PELI3: variants seen among roughly 807,000 people sequenced by gnomAD.
PELI3 encodes the protein E3 ubiquitin-protein ligase pellino homolog 3.
PELI3 carries 19 observed loss-of-function variants against 35.5 expected under a neutral mutation model. The observed-to-expected ratio is 0.54, with a 90% CI of 0.37 to 0.79. The LOEUF (loss-of-function observed/expected upper bound fraction) is 0.79. Among genes scored for constraint, PELI3 ranks in the 30% least tolerant of loss-of-function variants. The pLI, the probability that PELI3 is intolerant of heterozygous loss-of-function variation, is 0.00. For missense variants in PELI3, 490 were observed against 661.2 expected (o/e 0.74, Z 2.84); for synonymous variants, 262 against 279.2 (o/e 0.94, Z 0.62).
chr11:66,472,335 A>T (rs1290659901), intron 4 of PELI3, 34 bp from the exon 5 acceptor site: 2 of 1,552,070 alleles, frequency 1.3e-6, no homozygotes, highest in Non-Finnish European at 1.8e-6. Context: ...TCATGGCTGC[A>T]CACCCTGGCA....
At position 66,475,937 on chromosome 11, in the gene PELI3, G is replaced by T; in HGVS notation, c.1180G>T (p.Val394Leu). 6.2e-7 allele frequency: 1 copy of T among 1,611,970 alleles called. No individual in the cohort carries two copies. The highest frequency in any genetic ancestry group is 8.5e-7 in the Non-Finnish European group (1 of 1,179,470). ...TCTCTGCCGCCTTGTGGGGCCTTAT[G>T]TGCCTCTATGGCTTGGCCAGGAGGC... ...CPLCRLVGPY[V>L]PLWLGQEAGL... Residue 394 changes from valine (V) to leucine (L), a missense_variant, in exon 8 of 8, where the codon GTG becomes TTG. Coordinates refer to ENST00000320740, the MANE Select transcript of PELI3 (RefSeq NM_145065.3).
chr11:66,474,267 C>T, intron 7 of PELI3: 1 of 595,644 alleles, frequency 1.7e-6, no homozygotes, highest in Non-Finnish European at 3.0e-6. Flanking sequence ...GACACTTGGC[C>T]CATGTGTGAG....
intron 4 of PELI3, 42 bp from the exon 5 acceptor site, chr11:66,472,327 A>AT (rs1377023537): frequency 1.3e-6 from 2 of 1,517,714 alleles, no homozygotes; most frequent in Non-Finnish European, 1.8e-6. Flanking sequence ...TACACTTATC[A>AT]TGGCTGCACA....
chr11:66,468,741 T>G, intron 2 of PELI3, 92 bp from the exon 3 acceptor site: 1 of 674,240 alleles, frequency 1.5e-6, no homozygotes, highest in Non-Finnish European at 2.8e-6. Flanking sequence ...GTAAAGTACA[T>G]AGAACAGCGC....
chr11:66,472,169 C>T (rs1039726684), intron 4 of PELI3, among the ~76,000 whole-genome samples, 200 bp from the exon 5 acceptor site: 2 of 152,094 alleles, frequency 1.3e-5, no homozygotes, highest in African/African-American at 4.8e-5. Context: ...CCACCGCACC[C>T]AGCCTGATAA....
chr11:66,473,691 TG>T lies in PELI3; in HGVS notation c.652-40del, dbSNP rs757424178. ...GCAGTGCCTCTGGCACATGGCCTGC[TG>T]GGGGGCCCCTGGGGGATGTGATCTG... On this transcript the variant is annotated intron_variant, in intron 6 of 7. Transcript: ENST00000320740. The surrounding 1 kb of genome is among the most constrained non-coding windows in gnomAD (Gnocchi z 5.8). The T allele has an allele frequency of 1.2e-6, 2 of 1,601,940 alleles. No homozygotes were observed. Among genetic ancestry groups the T allele is most frequent in the East Asian group, 2.2e-5 (1 of 44,838 alleles).
chr11:66,467,414 G>T lies in PELI3; in HGVS notation c.-2+387G>T, dbSNP rs1184525492. On this transcript the variant is annotated intron_variant, in intron 1 of 7. Transcript: ENST00000320740. This position sits in a 1 kb window ranked among gnomAD's most constrained non-coding sequence, Gnocchi z 4.2. ...GCTGTGCTGCAGCCCGAGCTCGAGG[G>T]GGGAGCGCCGCCTCCGCAGGCCTCC... is the stretch of plus-strand genomic sequence containing the variant. 6.6e-6 allele frequency: 1 copy of T among 152,148 alleles called. No homozygotes were observed. Among genetic ancestry groups the T allele is most frequent in the Non-Finnish European group, 1.5e-5 (1 of 68,034 alleles). 9.4% of individuals were successfully genotyped at this position (152,148 alleles called of 1,614,324 possible). A position where few individuals can be genotyped will look rare whatever the true frequency, so the allele number is the denominator to read the frequency against.
Position 66,472,438 on chromosome 11 carries a change from T to C in PELI3, c.424T>C (p.Tyr142His), listed in dbSNP as rs751381169. ...CCGGAGCCACTCGGTCATAGTGGAGTATACACATGATAGCGACACAGACAT... is the reference window on the plus strand; with the variant it reads ...CCGGAGCCACTCGGTCATAGTGGAGCATACACATGATAGCGACACAGACAT... ...LSRSHSVIVE[Y>H]THDSDTDMFQ... is the part of the protein sequence containing the mutation. Residue 142 changes from tyrosine to histidine, a missense_variant, in exon 5 of 8, where the codon TAT (tyrosine) becomes CAT (histidine). This residue lies in a region of PELI3 where 349 missense variants were observed against 484.8 expected (regional missense o/e 0.72). Transcript: ENST00000320740. 4.3e-6 allele frequency: 7 copies of C among 1,613,712 alleles called. No homozygotes were observed. The highest frequency in any genetic ancestry group is 5.1e-6 in the Non-Finnish European group (6 of 1,179,918).
intron 7 of PELI3, 56 bp from the exon 8 acceptor site, chr11:66,475,542 C>G: frequency 3.8e-6 from 6 of 1,578,016 alleles, no homozygotes; most frequent in Non-Finnish European, 5.2e-6. Context: ...GTGGGATGGA[C>G]CCGCGGCTCA....
Position 66,475,682 on chromosome 11 carries a change from C to T in PELI3, c.925C>T (p.Leu309=), listed in dbSNP as rs1449898177. The T allele has an allele frequency of 6.2e-7, 1 of 1,612,446 alleles. No homozygotes were observed. Among genetic ancestry groups the T allele is most frequent in the South Asian group, 1.1e-5 (1 of 91,070 alleles). Residue 309 remains leucine (L), a synonymous_variant, in exon 8 of 8, where the codon CTG becomes TTG. Coordinates refer to ENST00000320740, the MANE Select transcript of PELI3 (RefSeq NM_145065.3). The stretch of plus-strand genomic sequence containing the variant: ...ACTGCTGTGGCGCACACCGGCGGGG[C>T]TGCTGCGGGCTCCCACACTGAAGCA... ...ATLLWRTPAG[L]LRAPTLKQLE... is the part of the protein sequence containing the mutation.
rs1208188923 is a variant in PELI3 at position 66,467,995 on chromosome 11, G to A, written c.-1-133G>A. On this transcript the variant is annotated intron_variant, in intron 1 of 7. Transcript: ENST00000320740. This position sits in a 1 kb window ranked among gnomAD's most constrained non-coding sequence, Gnocchi z 4.2. ...GTTTAGAGGAGGCAGAGGGGAAGTG[G>A]TTGCCATAGCAGTAGAGGCGGTGAA... The A allele has an allele frequency of 1.8e-5, 21 of 1,136,916 alleles. No homozygotes were observed. Among genetic ancestry groups the A allele is most frequent in the African/African-American group, 1.6e-5 (1 of 61,616 alleles). 70.4% of individuals were successfully genotyped at this position (1,136,916 alleles called of 1,614,324 possible).
upstream of PELI3, chr11:66,466,521 G>C (rs932399976): frequency 2.0e-5 from 3 of 152,300 alleles, no homozygotes; most frequent in Non-Finnish European, 4.4e-5. Context: ...CGCCGTGTGA[G>C]GGCCCTGACC....
At position 66,476,238 on chromosome 11, in the gene PELI3, G is replaced by A; in HGVS notation, c.*71G>A. 7.0e-7 allele frequency: 1 copy of A among 1,431,970 alleles called. No individual in the cohort carries two copies. The highest frequency in any genetic ancestry group is 9.3e-7 in the Non-Finnish European group (1 of 1,071,128). The allele number at this position is 1,431,970 out of a possible 1,614,324, so 88.7% of individuals were successfully genotyped here. A position where few individuals can be genotyped will look rare whatever the true frequency, so the allele number is the denominator to read the frequency against. Reference sequence around the variant, plus strand: ...CCCCACCTCCTGCAGCCCAGAGGGAGCTCTGCATGTGGGACACTCCCTGCT... The same window carrying A: ...CCCCACCTCCTGCAGCCCAGAGGGAACTCTGCATGTGGGACACTCCCTGCT... On this transcript the variant is annotated 3_prime_UTR_variant, in exon 8 of 8. Coordinates refer to ENST00000320740, the MANE Select transcript of PELI3 (RefSeq NM_145065.3).
rs1854796208 is a variant in PELI3, at chr11:66,473,577, G to A, written c.651+142G>A. 1.3e-5 allele frequency: 17 copies of A among 1,305,574 alleles called. No individual in the cohort carries two copies. Among genetic ancestry groups the A allele is most frequent in the Non-Finnish European group, 1.6e-5 (15 of 963,784 alleles). The allele number at this position is 1,305,574 out of a possible 1,614,324, so 80.9% of individuals were successfully genotyped here. On this transcript the variant is annotated intron_variant, in intron 6 of 7. Coordinates refer to ENST00000320740, the MANE Select transcript of PELI3 (RefSeq NM_145065.3). The surrounding 1 kb of genome is among the most constrained non-coding windows in gnomAD (Gnocchi z 5.8). ...CAGTTAGCAACCCCACCTAACTGAT[G>A]AGCAAAGTGAGGCCCAGAGAGACGC...
rs779054380 is a variant in PELI3, at chr11:66,473,741, G to A, written c.656G>A (p.Arg219Gln). ...DASSNIFLGE[R>Q]AAKWRTPDGL... Reference sequence around the variant, plus strand: ...TGATCCCTCATGTGGTCCCAGGAGCGAGCGGCCAAATGGCGGACCCCAGAT... The same window carrying A: ...TGATCCCTCATGTGGTCCCAGGAGCAAGCGGCCAAATGGCGGACCCCAGAT... Residue 219 changes from arginine to glutamine, a missense_variant, in exon 7 of 8, where the codon CGA (arginine) becomes CAA (glutamine). Transcript: ENST00000320740. The surrounding 1 kb of genome is among the most constrained non-coding windows in gnomAD (Gnocchi z 5.8). 3 of 1,613,798 alleles carry A rather than the reference G, an allele frequency of 1.9e-6. No individual in the cohort carries two copies. The highest frequency in any genetic ancestry group is 2.5e-6 in the Non-Finnish European group (3 of 1,179,964).
chr11:66,466,788 G>C (rs1472541452), upstream of PELI3: 1 of 151,974 alleles, frequency 6.6e-6, no homozygotes, highest in African/African-American at 2.4e-5. Flanking sequence ...ATCGCCGCAA[G>C]AGGCGGAGTC....
chr11:66,473,578 A>G lies in PELI3; in HGVS notation c.651+143A>G. The G allele has an allele frequency of 3.8e-6, 5 of 1,308,692 alleles. No individual in the cohort carries two copies. The South Asian group carries it at 7.1e-5, about 19-fold the overall frequency. The allele number at this position is 1,308,692 out of a possible 1,614,324, so 81.1% of individuals were successfully genotyped here. On this transcript the variant is annotated intron_variant, in intron 6 of 7. Transcript: ENST00000320740. This position sits in a 1 kb window ranked among gnomAD's most constrained non-coding sequence, Gnocchi z 5.8. ...AGTTAGCAACCCCACCTAACTGATG[A>G]GCAAAGTGAGGCCCAGAGAGACGCT... is the stretch of plus-strand genomic sequence containing the variant.
upstream of PELI3, chr11:66,466,766 C>T (rs1854539206): frequency 1.3e-5 from 2 of 150,372 alleles, no homozygotes; most frequent in Non-Finnish European, 2.9e-5. Context: ...GCTCCGCCTA[C>T]GAAGGCTGAG....
chr11:66,475,420 G>A (rs1590722811), intron 7 of PELI3, among the ~76,000 whole-genome samples, 178 bp from the exon 8 acceptor site: 5 of 152,344 alleles, frequency 3.3e-5, no homozygotes, highest in Admixed American at 3.3e-4. Context: ...GTTGGGAGGG[G>A]GGATCAGCAT....
Sources: gnomAD v4.1 joint callset for allele counts (sites outside exome capture counted in the v4.1 genomes callset) on GRCh38, gnomAD v4.1.1 for gene constraint, gnomAD v4.1.1 regional missense constraint, Gnocchi (gnomAD v3.1) non-coding constraint, MANE v1.5 for transcripts, NCBI Gene and HGNC (gene_info 2026-07-23, HGNC 2026-07-21) for gene names.